The following SMARCA2 variants were observed in gnomAD, a reference collection of about 807,000 sequenced individuals.
The protein encoded by SMARCA2 is SWI/SNF related BAF chromatin remodeling complex subunit ATPase 2.
A neutral mutation model predicts 199.8 loss-of-function variants in SMARCA2; 61 were observed. The observed-to-expected ratio is 0.31, with a 90% CI of 0.25 to 0.38. The LOEUF is 0.38. SMARCA2 is among the 10% of genes least tolerant of loss of function. SMARCA2 has a pLI of 1.00. For synonymous variants in SMARCA2, 935 were observed against 732.0 expected (o/e 1.28, Z -4.48); for missense variants, 1,344 against 2,012.2 (o/e 0.67, Z 6.35).
At chr9:2,058,001 C>G (rs907877829) in intron 7 of SMARCA2, among the ~76,000 whole-genome samples, 1 of 152,172 alleles carries the variant, frequency 6.6e-6, no homozygotes, top group African/African-American at 2.4e-5. Flanking sequence ...TTTTGTAGGT[C>G]TCTTTCAGTC....
chr9:2,119,650 C>T lies in SMARCA2; in HGVS notation c.3762+115C>T, dbSNP rs958179948. The T allele has an allele frequency of 2.9e-6, 2 of 700,856 alleles. No homozygotes were observed. Among genetic ancestry groups the T allele is most frequent in the African/African-American group, 3.5e-5 (2 of 56,688 alleles). The allele number at this position is 700,856 out of a possible 1,614,324, so 43.4% of individuals were successfully genotyped here. A position where few individuals can be genotyped will look rare whatever the true frequency, so the allele number is the denominator to read the frequency against. On this transcript the variant is annotated intron_variant, in intron 26 of 33. Transcript: ENST00000349721. The surrounding 1 kb of genome is among the most constrained non-coding windows in gnomAD (Gnocchi z 4.6). ...AGAACTTCATACGTAAAGCCTATGC[C>T]TTTCCTTCAGTTCAGAGGCTGCAAA...
At chr9:2,048,203 C>T (rs1323469827) in intron 5 of SMARCA2, among the ~76,000 whole-genome samples, 2 of 152,098 alleles carry the variant, frequency 1.3e-5, no homozygotes, top group Non-Finnish European at 2.9e-5. Context: ...GCTGTGTTTA[C>T]GAGACCCCTG....
At chr9:2,137,292 A>T (rs1237484531) in intron 27 of SMARCA2, among the ~76,000 whole-genome samples, 1 of 152,154 alleles carries the variant, frequency 6.6e-6, no homozygotes, top group East Asian at 1.9e-4. Flanking sequence ...ACTTACCAAA[A>T]ATCGGCCCTG....
intron 12 of SMARCA2, among the ~76,000 whole-genome samples, chr9:2,075,610 A>T (rs977061223): frequency 6.6e-6 from 1 of 152,332 alleles, no homozygotes; most frequent in Non-Finnish European, 1.5e-5. Flanking sequence ...ATATGGGGCC[A>T]TCCAAGTCCC....
At chr9:2,064,915 C>T (rs112132414) in intron 9 of SMARCA2, among the ~76,000 whole-genome samples, 1,702 of 152,292 alleles carry the variant, frequency 0.011, 12 homozygotes, top group East Asian at 0.029. Flanking sequence ...CTGGGTGCGG[C>T]GGCTCACGCC....
chr9:2,178,067 T>C (rs573105762), intron 29 of SMARCA2, among the ~76,000 whole-genome samples: 11 of 131,320 alleles, frequency 8.4e-5, no homozygotes, highest in African/African-American at 2.9e-4. Flanking sequence ...TAAATCTCAG[T>C]AGTGTGTGTA....
intron 8 of SMARCA2, 107 bp downstream of exon 8, chr9:2,058,571 C>T: frequency 2.1e-6 from 2 of 952,180 alleles, no homozygotes; most frequent in Non-Finnish European, 3.2e-6. Context: ...AACTGCTTAT[C>T]AAAAATTTTA....
chr9:2,047,919 C>G (rs1012525205), intron 5 of SMARCA2: 1 of 152,420 alleles, frequency 6.6e-6, no homozygotes, highest in African/African-American at 2.4e-5. Flanking sequence ...TGGGTATACC[C>G]TGTGCGAGTG....
At chr9:2,129,370 A>C (rs191290502) in intron 27 of SMARCA2, among the ~76,000 whole-genome samples, 1 of 152,300 alleles carries the variant, frequency 6.6e-6, no homozygotes, top group African/African-American at 2.4e-5. Flanking sequence ...TTGAGCCGAG[A>C]TCGTGCCATT....
chr9:2,081,528 G>C (rs992401523), intron 14 of SMARCA2, among the ~76,000 whole-genome samples: 1 of 152,140 alleles, frequency 6.6e-6, no homozygotes, highest in African/African-American at 2.4e-5. Flanking sequence ...TTTGGTTTGG[G>C]CTTTTTTCAT....
At chr9:2,186,347 C>A in intron 32 of SMARCA2, 119 bp downstream of exon 32, 1 of 1,084,082 alleles carries the variant, frequency 9.2e-7, no homozygotes, top group Non-Finnish European at 1.3e-6. Flanking sequence ...AGCCCTTATT[C>A]CACTTTGTCC....
intron 26 of SMARCA2, among the ~76,000 whole-genome samples, chr9:2,121,334 C>T (rs1328637578): frequency 6.6e-6 from 1 of 152,206 alleles, no homozygotes; most frequent in East Asian, 1.9e-4. Context: ...CTAGGGAACA[C>T]TTTTTGTAGG....
At chr9:2,156,414 C>CTTTTTTTTTTTTTTT (rs57161267) in intron 27 of SMARCA2, among the ~76,000 whole-genome samples, 5 of 69,148 alleles carry the variant, frequency 7.2e-5, no homozygotes, top group African/African-American at 2.1e-4. Context: ...CCATTTTAGA[C>CTTTTTTTTTTTTTTT]TTTTTTTTTT....
chr9:2,138,532 T>A (rs1387684608), intron 27 of SMARCA2, among the ~76,000 whole-genome samples: 1 of 152,194 alleles, frequency 6.6e-6, no homozygotes, highest in Non-Finnish European at 1.5e-5. Context: ...TTATTTTAAA[T>A]ATCATCCTCA....
In SMARCA2 at chr9:2,105,957, T is replaced by G. The variant is rs148473954; in HGVS notation, c.3292+1788T>G. 6.4e-3 allele frequency among the ~76,000 whole-genome samples: 982 copies of G among 152,358 alleles called. 7 individuals carry two copies. The highest frequency in any genetic ancestry group is 0.022 in the African/African-American group (935 of 41,586). On this transcript the variant is annotated intron_variant, in intron 23 of 33. Coordinates refer to ENST00000349721, the MANE Select transcript of SMARCA2 (RefSeq NM_003070.5). The stretch of plus-strand genomic sequence containing the variant: ...AGTGACTTCCTGGAAACAAATTGCT[T>G]TCATGTTTTCTTGTCAGCCTGAGAG...
chr9:2,035,210 T>G (rs1409216948), intron 3 of SMARCA2, among the ~76,000 whole-genome samples: 1 of 151,632 alleles, frequency 6.6e-6, no homozygotes, highest in Admixed American at 6.6e-5. Flanking sequence ...CCCAGCTAAT[T>G]TTTGTATTTT....
intron 27 of SMARCA2, among the ~76,000 whole-genome samples, chr9:2,152,783 C>T (rs745456618): frequency 1.3e-5 from 2 of 151,652 alleles, no homozygotes; most frequent in Non-Finnish European, 2.9e-5. Flanking sequence ...ACCTGGGAGG[C>T]GGAGGTTTCA....
rs1329606018 is a variant in SMARCA2 at position 2,186,183 on chromosome 9, AATGAAGAGG to A, written c.4551_4559del (p.Asn1517_Glu1520delinsLys). 1.9e-6 allele frequency: 3 copies of A among 1,614,098 alleles called. No individual in the cohort carries two copies. Among genetic ancestry groups the A allele is most frequent in the Non-Finnish European group, 2.5e-6 (3 of 1,179,952 alleles). ...AGAGGAAGAGAGTGAGGATGAAAGCAATGAAGAGGAGGAAGAGGAAGATGAAGAAGAGTC... is the reference window on the plus strand; with the variant it reads ...AGAGGAAGAGAGTGAGGATGAAAGCAAGGAAGAGGAAGATGAAGAAGAGTC... On this transcript the variant is annotated inframe_deletion, in exon 32 of 34. Transcript: ENST00000349721.
chr9:2,161,646 C>A lies in SMARCA2; in HGVS notation c.3982-40C>A. The A allele has an allele frequency of 7.1e-7, 1 of 1,406,148 alleles. No individual in the cohort carries two copies. The highest frequency in any genetic ancestry group is 1.0e-6 in the Non-Finnish European group (1 of 999,330). 87.1% of individuals were successfully genotyped at this position (1,406,148 alleles called of 1,614,324 possible). On this transcript the variant is annotated intron_variant, in intron 27 of 33. Coordinates refer to ENST00000349721, the MANE Select transcript of SMARCA2 (RefSeq NM_003070.5). The surrounding 1 kb of genome is among the most constrained non-coding windows in gnomAD (Gnocchi z 4.7). Reference sequence around the variant, plus strand: ...ACATACTTTTTTTGTCTTGGTTATTCTCTTGTCTTGAATTTGTCTCCTTTG... The same window carrying A: ...ACATACTTTTTTTGTCTTGGTTATTATCTTGTCTTGAATTTGTCTCCTTTG...
Sources: gnomAD v4.1 joint callset for allele counts (sites outside exome capture counted in the v4.1 genomes callset) on GRCh38, gnomAD v4.1.1 for gene constraint, Gnocchi (gnomAD v3.1) non-coding constraint, MANE v1.5 for transcripts, NCBI Gene and HGNC (gene_info 2026-07-23, HGNC 2026-07-21) for gene names.